Variants in MYL4 observed in about 807,000 individuals in gnomAD.
The protein encoded by MYL4 is myosin light chain 4.
MYL4 carries 16 observed loss-of-function variants against 21.6 expected under a neutral mutation model. The observed-to-expected ratio is 0.74, with a 90% CI of 0.50 to 1.12. The LOEUF is 1.12. Among genes scored for constraint, MYL4 ranks in the 50% most tolerant of loss-of-function variants. MYL4 has a pLI of 0.00. For synonymous variants in MYL4, 82 were observed against 95.7 expected (o/e 0.86, Z 0.83); for missense variants, 249 against 252.9 (o/e 0.98, Z 0.11).
chr17:47,213,919 G>A (rs1275421428), intron 2 of MYL4, 93 bp downstream of exon 2: 2 of 1,394,154 alleles, frequency 1.4e-6, no homozygotes, highest in African/African-American at 2.8e-5. Context: ...TTGTCCTCAT[G>A]GTAATAGTAA....
chr17:47,223,761 G>C (rs889226572), downstream of MYL4: 1 of 152,230 alleles, frequency 6.6e-6, no homozygotes, highest in South Asian at 2.1e-4. Flanking sequence ...GTGAGAGAGA[G>C]AGAGATAAAG....
At chr17:47,200,386 C>T (rs2064705021), upstream of MYL4, 1 of 152,172 alleles carries the variant, frequency 6.6e-6, no homozygotes, top group Non-Finnish European at 1.5e-5. Context: ...TGCTTCCTTG[C>T]CCCCTTGGGG....
chr17:47,220,294 C>T (rs1236566823), intron 3 of MYL4, among the ~76,000 whole-genome samples: 1 of 152,202 alleles, frequency 6.6e-6, no homozygotes, highest in African/African-American at 2.4e-5. Context: ...GTTGGGAGCT[C>T]CTGTGGGGCA....
intron 3 of MYL4, 41 bp from the exon 4 acceptor site, chr17:47,221,641 G>T: frequency 6.3e-7 from 1 of 1,585,748 alleles, no homozygotes; most frequent in Non-Finnish European, 8.6e-7. Context: ...TTGAGCACCT[G>T]CTCACATTGA....
chr17:47,204,181 T>C (rs1016274164), upstream of MYL4, among the ~76,000 whole-genome samples: 2 of 152,198 alleles, frequency 1.3e-5, no homozygotes, highest in African/African-American at 4.8e-5. Context: ...AAGACAGTGG[T>C]GGAGGAAAAG....
intron 2 of MYL4, among the ~76,000 whole-genome samples, chr17:47,214,876 CACAA>C (rs557312099): frequency 3.5e-4 from 53 of 152,242 alleles, no homozygotes; most frequent in Middle Eastern, 6.8e-3. Context: ...TCAAAATTAA[CACAA>C]ACAGTTCTAC....
At chr17:47,224,908 G>A (rs1025323397), downstream of MYL4, among the ~76,000 whole-genome samples, 12 of 152,138 alleles carry the variant, frequency 7.9e-5, no homozygotes, top group African/African-American at 2.4e-4. Flanking sequence ...GGAGAGGCAC[G>A]TGGAAAAGAG....
chr17:47,224,443 G>C (rs944738948), downstream of MYL4, among the ~76,000 whole-genome samples: 7 of 152,248 alleles, frequency 4.6e-5, no homozygotes, highest in African/African-American at 1.7e-4. Context: ...AGATTTGAGT[G>C]GGGACACAGC....
At chr17:47,224,596 C>T (rs1210157051), downstream of MYL4, among the ~76,000 whole-genome samples, 1 of 152,208 alleles carries the variant, frequency 6.6e-6, no homozygotes, top group Non-Finnish European at 1.5e-5. Flanking sequence ...AATTTGACCA[C>T]CCTGGATAAG....
At chr17:47,192,105 A>G in the MYL4 span, among the ~76,000 whole-genome samples, 1 of 152,156 alleles carries the variant, frequency 6.6e-6, no homozygotes, top group Non-Finnish European at 1.5e-5. Flanking sequence ...CTGTAATCCC[A>G]ACACTTTGGG....
upstream of MYL4, among the ~76,000 whole-genome samples, chr17:47,199,480 C>A (rs1371808858): frequency 6.6e-6 from 1 of 152,034 alleles, no homozygotes; most frequent in Non-Finnish European, 1.5e-5. Flanking sequence ...GCCACTGTGC[C>A]CAGCCTGCAG....
intron 2 of MYL4, among the ~76,000 whole-genome samples, chr17:47,218,645 T>C (rs1349634993): frequency 6.6e-6 from 1 of 151,962 alleles, no homozygotes; most frequent in African/African-American, 2.4e-5. Context: ...ATTAGCCAGG[T>C]GTCGTGGTGG....
At chr17:47,218,064 A>C (rs915812739) in intron 2 of MYL4, among the ~76,000 whole-genome samples, 6 of 152,014 alleles carry the variant, frequency 3.9e-5, no homozygotes, top group Admixed American at 1.3e-4. Flanking sequence ...AAAACAAAAA[A>C]CTAACTAAAA....
chr17:47,200,402 G>C (rs1025814740), upstream of MYL4: 1 of 152,168 alleles, frequency 6.6e-6, no homozygotes, highest in African/African-American at 2.4e-5. Flanking sequence ...TGGGGGCTAA[G>C]CTTCTCCGTC....
intron 2 of MYL4, among the ~76,000 whole-genome samples, chr17:47,214,346 G>A (rs1171916953): frequency 1.3e-5 from 2 of 152,124 alleles, no homozygotes; most frequent in Non-Finnish European, 2.9e-5. Flanking sequence ...CCACCATGAA[G>A]TCTGCCAATA....
upstream of MYL4, among the ~76,000 whole-genome samples, chr17:47,207,204 T>G (rs568707533): frequency 9.2e-5 from 14 of 152,306 alleles, no homozygotes; most frequent in South Asian, 1.9e-3. Context: ...GAGCAAGTCC[T>G]GGCCCTTTTT....
chr17:47,215,982 T>G (rs1364940717), intron 2 of MYL4, among the ~76,000 whole-genome samples: 1 of 152,116 alleles, frequency 6.6e-6, no homozygotes, highest in African/African-American at 2.4e-5. Context: ...TCTCGCTATT[T>G]TGCCCAGACT....
chr17:47,207,421 A>C (rs9894365), upstream of MYL4, among the ~76,000 whole-genome samples: 2 of 151,922 alleles, frequency 1.3e-5, no homozygotes, highest in Non-Finnish European at 2.9e-5. Context: ...GTAAAACAGC[A>C]TGGGGCCAGA....
At chr17:47,203,100 A>G (rs185364747) in intron 1 of MYL4, among the ~76,000 whole-genome samples, 18 of 152,212 alleles carry the variant, frequency 1.2e-4, no homozygotes, top group Admixed American at 3.3e-4. Flanking sequence ...ACAGGCATGC[A>G]CTGCCATGCC....
Sources: allele counts gnomAD v4.1 joint callset (sites outside exome capture counted in the v4.1 genomes callset), GRCh38; gene constraint gnomAD v4.1.1; transcripts MANE v1.5; gene names NCBI Gene and HGNC (gene_info 2026-07-23, HGNC 2026-07-21).